Variants in WWOX observed in about 807,000 individuals in gnomAD.
WWOX encodes the protein WW domain containing oxidoreductase.
A neutral mutation model predicts 46.2 loss-of-function variants in WWOX; 69 were observed. That is an observed-to-expected ratio of 1.49 (90% confidence interval 1.23 to 1.82). The LOEUF (loss-of-function observed/expected upper bound fraction) is 1.82, where lower values mean the gene tolerates loss of function less well. Ranked by LOEUF, WWOX falls within the 40% of genes most tolerant of loss-of-function variation. The pLI, the probability that WWOX is intolerant of heterozygous loss-of-function variation, is 0.00. For synonymous variants in WWOX, 359 were observed against 202.6 expected (o/e 1.77, Z -6.56); for missense variants, 919 against 542.6 (o/e 1.69, Z -6.89).
At chr16:78,292,763 G>A (rs1040530447) in intron 5 of WWOX, among the ~76,000 whole-genome samples, 1 of 152,136 alleles carries the variant, frequency 6.6e-6, no homozygotes, top group African/African-American at 2.4e-5. Context: ...GGAGGGCTTC[G>A]TAGAAGAGCC....
chr16:78,739,525 T>G (rs1245345303), intron 8 of WWOX, among the ~76,000 whole-genome samples: 1 of 152,098 alleles, frequency 6.6e-6, no homozygotes, highest in Non-Finnish European at 1.5e-5. Context: ...GTAAAGAAAT[T>G]CCTTGGCTGG....
At chr16:79,173,093 G>C (rs896416347) in intron 8 of WWOX, among the ~76,000 whole-genome samples, 3 of 152,186 alleles carry the variant, frequency 2.0e-5, no homozygotes, top group Non-Finnish European at 2.9e-5. Context: ...CTCTGCAGAA[G>C]AATCTTTCCC....
intron 8 of WWOX, among the ~76,000 whole-genome samples, chr16:78,593,823 G>A (rs2045409760): frequency 6.6e-6 from 1 of 152,088 alleles, no homozygotes; most frequent in African/African-American, 2.4e-5. Flanking sequence ...ATGATTGCAA[G>A]CTGAGGACAT....
chr16:78,171,298 C>T, intron 5 of WWOX, among the ~76,000 whole-genome samples: 1 of 152,176 alleles, frequency 6.6e-6, no homozygotes, highest in East Asian at 1.9e-4. Context: ...CTTTTAAAGA[C>T]TTCTGCAAAA....
chr16:78,945,103 C>A lies in WWOX; in HGVS notation c.1057-266505C>A, dbSNP rs2045924079. 2.6e-5 allele frequency among the ~76,000 whole-genome samples: 4 copies of A among 152,118 alleles called. No homozygotes were observed. In the South Asian group the frequency reaches 8.3e-4, roughly 32 times the overall value. ...GCTGAGGTAAGGGGATTGCTGGAGC[C>A]TGGGATATCAAGGCTACAGTGAGCC... is the stretch of plus-strand genomic sequence containing the variant. On this transcript the variant is annotated intron_variant, in intron 8 of 8. Coordinates refer to ENST00000566780, the MANE Select transcript of WWOX (RefSeq NM_016373.4).
rs139665737 is a variant in WWOX, at chr16:78,772,492, A to T, written c.1056+339740A>T. 5.7e-3 allele frequency among the ~76,000 whole-genome samples: 872 copies of T among 152,228 alleles called. 3 individuals are homozygous for T. Among genetic ancestry groups the T allele is most frequent in the Non-Finnish European group, 9.5e-3 (646 of 68,020 alleles). On this transcript the variant is annotated intron_variant, in intron 8 of 8. Coordinates refer to ENST00000566780, the MANE Select transcript of WWOX (RefSeq NM_016373.4). ...AGTAGACGTGTAATTCTTCTTGGAA[A>T]TGTTAATCTTGATCATTTGGTTAAT...
intron 8 of WWOX, among the ~76,000 whole-genome samples, chr16:78,764,987 A>G (rs114775682): frequency 1.1e-3 from 173 of 152,298 alleles, no homozygotes; most frequent in African/African-American, 3.9e-3. Flanking sequence ...AAAACTTAAG[A>G]TATGGTTGAG....
intron 8 of WWOX, among the ~76,000 whole-genome samples, chr16:79,150,254 T>C (rs570418266): frequency 6.6e-6 from 1 of 152,350 alleles, no homozygotes; most frequent in African/African-American, 2.4e-5. Context: ...CACTGAACTT[T>C]GTACTCAATG....
intron 6 of WWOX, among the ~76,000 whole-genome samples, chr16:78,402,077 A>G (rs565499223): frequency 6.6e-6 from 1 of 152,336 alleles, no homozygotes; most frequent in South Asian, 2.1e-4. Context: ...CCACTTTTGA[A>G]TTGCAGAACA....
intron 5 of WWOX, among the ~76,000 whole-genome samples, chr16:78,358,969 A>G (rs1169938232): frequency 6.7e-6 from 1 of 149,368 alleles, no homozygotes; most frequent in African/African-American, 2.5e-5. Flanking sequence ...ATAGCTTCAT[A>G]ACTTAGTAAA....
chr16:78,549,062 A>T (rs980314546), intron 8 of WWOX, among the ~76,000 whole-genome samples: 1 of 152,204 alleles, frequency 6.6e-6, no homozygotes, highest in East Asian at 1.9e-4. Flanking sequence ...ACTTATTTTT[A>T]GAAGTTAGAA....
At chr16:78,420,902 CGTGGGGT>C (rs2082912780) in intron 6 of WWOX, among the ~76,000 whole-genome samples, 1 of 152,018 alleles carries the variant, frequency 6.6e-6, no homozygotes, top group African/African-American at 2.4e-5. Flanking sequence ...GAAATCTTTT[CGTGGGGT>C]ATGGGGTATG....
intron 8 of WWOX, among the ~76,000 whole-genome samples, chr16:79,005,469 C>G (rs905641512): frequency 4.6e-5 from 7 of 152,160 alleles, no homozygotes; most frequent in Non-Finnish European, 1.0e-4. Context: ...TTTGGAGGCT[C>G]AAATTTGCAA....
At chr16:78,880,605 C>T (rs2044322866) in intron 8 of WWOX, among the ~76,000 whole-genome samples, 1 of 152,206 alleles carries the variant, frequency 6.6e-6, no homozygotes, top group South Asian at 2.1e-4. Context: ...GGAATCCAGC[C>T]AAAATGCCCA....
chr16:79,127,314 A>T (rs1310492505), intron 8 of WWOX, among the ~76,000 whole-genome samples: 1 of 152,090 alleles, frequency 6.6e-6, no homozygotes, highest in African/African-American at 2.4e-5. Context: ...TCTAGACATT[A>T]TTATGCATTT....
At chr16:78,129,381 G>A (rs970565432) in intron 4 of WWOX, among the ~76,000 whole-genome samples, 6 of 152,190 alleles carry the variant, frequency 3.9e-5, no homozygotes, top group Admixed American at 1.3e-4. Context: ...CCACAAACTC[G>A]GTGCTTCTAT....
intron 8 of WWOX, among the ~76,000 whole-genome samples, chr16:78,571,067 G>A (rs1470213059): frequency 6.6e-6 from 1 of 152,160 alleles, no homozygotes; most frequent in African/African-American, 2.4e-5. Flanking sequence ...GGTTTGAAGG[G>A]AAGTATTGCT....
intron 5 of WWOX, among the ~76,000 whole-genome samples, chr16:78,339,360 T>C (rs1280509843): frequency 1.1e-5 from 1 of 88,228 alleles, no homozygotes; most frequent in Non-Finnish European, 2.4e-5. Context: ...TCAGTTCCTT[T>C]TATTAGAAAA....
chr16:78,812,410 TA>T (rs977710774), intron 8 of WWOX, among the ~76,000 whole-genome samples: 1 of 151,608 alleles, frequency 6.6e-6, no homozygotes, highest in African/African-American at 2.4e-5. Flanking sequence ...AAATATTTGT[TA>T]AAAAAAACCC....
Sources: gnomAD v4.1 joint callset for allele counts (sites outside exome capture counted in the v4.1 genomes callset) on GRCh38, gnomAD v4.1.1 for gene constraint, MANE v1.5 for transcripts, NCBI Gene and HGNC (gene_info 2026-07-23, HGNC 2026-07-21) for gene names.